HNRNPL: variants seen among roughly 807,000 people sequenced by gnomAD.
HNRNPL encodes the protein heterogeneous nuclear ribonucleoprotein L.
HNRNPL carries 12 observed loss-of-function variants against 64.0 expected under a neutral mutation model. The ratio of observed to expected loss-of-function variants is 0.19; its 90% CI spans 0.12 to 0.30. HNRNPL has a LOEUF of 0.30. HNRNPL is among the 10% of genes least tolerant of loss of function. HNRNPL has a pLI of 1.00. For synonymous variants in HNRNPL, 385 were observed against 313.0 expected (o/e 1.23, Z -2.43); for missense variants, 484 against 797.4 (o/e 0.61, Z 4.73).
At chr19:38,837,686 A>C in intron 10 of HNRNPL, 35 bp from the exon 11 acceptor site, 2 of 1,595,074 alleles carry the variant, frequency 1.3e-6, no homozygotes, top group South Asian at 2.2e-5. Flanking sequence ...TGAACTCTGA[A>C]ACAAAAGGGC....
intron 4 of HNRNPL, chr19:38,844,888 T>TATTA (rs1972238173): frequency 1.3e-5 from 2 of 152,118 alleles, no homozygotes; most frequent in Admixed American, 1.3e-4. Context: ...TTTTTTGTAT[T>TATTA]ATTAGCGACA....
At chr19:38,845,539 A>G in intron 4 of HNRNPL, 111 bp downstream of exon 4, 1 of 839,574 alleles carries the variant, frequency 1.2e-6, no homozygotes. Flanking sequence ...CATCTGGCAC[A>G]TGGCAGCCAC....
chr19:38,849,875 G>A lies in HNRNPL; in HGVS notation c.92C>T (p.Ala31Val). ...GCCCGCCGCCGCCATCTTCACCATC[G>A]CTCCCGACCGCCTCCGCTGCTCGTC... is the stretch of plus-strand genomic sequence containing the variant. Reference protein sequence around the residue: ...QPDEQRRRSGAMVKMAAAGGG... With the variant: ...QPDEQRRRSGVMVKMAAAGGG... The change falls in exon 1 of 13, where the codon GCG (alanine) becomes GTG (valine). Residue 31 changes from alanine to valine, a missense_variant. Physicochemically the swap from Ala to Val is moderately conservative, Grantham distance 64. Around this residue, in one of 9 missense-constraint regions of HNRNPL, gnomAD observed 190 missense variants for 160.1 expected, o/e 1.19. Coordinates refer to ENST00000221419, the MANE Select transcript of HNRNPL (RefSeq NM_001533.3). 8.2e-7 allele frequency: 1 copy of A among 1,218,224 alleles called. No individual in the cohort carries two copies. The highest frequency in any genetic ancestry group is 1.2e-6 in the Non-Finnish European group (1 of 860,108). 75.5% of individuals were successfully genotyped at this position (1,218,224 alleles called of 1,614,324 possible).
At chr19:38,840,747 G>A in intron 6 of HNRNPL, 188 bp from the exon 7 acceptor site, 1 of 611,032 alleles carries the variant, frequency 1.6e-6, no homozygotes. Context: ...CAAAGCTGGT[G>A]CCCACTCTCC....
intron 9 of HNRNPL, 59 bp downstream of exon 9, chr19:38,838,835 C>T: frequency 1.2e-6 from 2 of 1,609,472 alleles, no homozygotes; most frequent in Non-Finnish European, 1.7e-6. Context: ...TGCTGGGCCC[C>T]ATTCCCCTCC....
upstream of HNRNPL, chr19:38,850,053 C>G (rs930454985): frequency 2.6e-6 from 3 of 1,139,730 alleles, no homozygotes; most frequent in Non-Finnish European, 2.3e-6. Context: ...GGGGGAGCCA[C>G]TGGTCCCGCC....
At chr19:38,837,329 C>G (rs769602768) in intron 12 of HNRNPL, 55 bp downstream of exon 12, 6 of 1,430,334 alleles carry the variant, frequency 4.2e-6, no homozygotes, top group Non-Finnish European at 5.9e-6. Flanking sequence ...TGGCCTGAAG[C>G]CAGCCAACCC....
chr19:38,836,598 T>A lies in HNRNPL; in HGVS notation c.*124A>T, dbSNP rs1425307271. 94 of 136,490 alleles carry A rather than the reference T, an allele frequency of 6.9e-4. No individual in the cohort carries two copies. The highest frequency in any genetic ancestry group is 2.1e-3 in the African/African-American group (36 of 17,030). The allele number at this position is 136,490 out of a possible 1,614,324, so 8.5% of individuals were successfully genotyped here. ...AGTAAGCCTCTACAAACCTAGCATT[T>A]AAAAAAAAAAAAAAAAAAAAAAAAA... is the stretch of plus-strand genomic sequence containing the variant. On this transcript the variant is annotated 3_prime_UTR_variant, in exon 13 of 13. Transcript: ENST00000221419.
rs763068820 is a variant in HNRNPL at position 38,845,948 on chromosome 19, G to T, written c.529C>A (p.Gln177Lys). The T allele has an allele frequency of 6.2e-7, 1 of 1,614,222 alleles. No homozygotes were observed. Among genetic ancestry groups the T allele is most frequent in the South Asian group, 1.1e-5 (1 of 91,086 alleles). Residue 177 changes from glutamine to lysine, a missense_variant, in exon 3 of 13, where the codon CAG becomes AAG. This residue lies in a region of HNRNPL where 60 missense variants were observed against 192.2 expected (regional missense o/e 0.31). Coordinates refer to ENST00000221419, the MANE Select transcript of HNRNPL (RefSeq NM_001533.3). ...GAGTCCCCAGGGCGGGAGATCTTCT[G>T]GCTGGTAGAGTAGTTGACAAAAGCT... ...HPAFVNYSTS[Q>K]KISRPGDSDD... is the part of the protein sequence containing the mutation.
intron 1 of HNRNPL, among the ~76,000 whole-genome samples, chr19:38,848,376 A>G (rs939165238): frequency 2.0e-5 from 3 of 152,204 alleles, no homozygotes; most frequent in Admixed American, 1.3e-4. Context: ...TATAGGCATG[A>G]GCCCCCACTC....
At chr19:38,847,001 G>A (rs745900515) in intron 2 of HNRNPL, among the ~76,000 whole-genome samples, 2 of 152,106 alleles carry the variant, frequency 1.3e-5, no homozygotes, top group Admixed American at 1.3e-4. Context: ...GGCCGAGGCA[G>A]AAGGACTGCC....
chr19:38,850,828 C>G (rs75208702), upstream of HNRNPL, among the ~76,000 whole-genome samples: 3,711 of 152,322 alleles, frequency 0.024, 50 homozygotes, highest in Non-Finnish European at 0.037. Context: ...CGACTGTCTT[C>G]GGACCCTGTC....
At chr19:38,849,508 CCGCGCA>C (rs1263528078) in intron 1 of HNRNPL, 186 bp downstream of exon 1, 1 of 764,092 alleles carries the variant, frequency 1.3e-6, no homozygotes, top group Non-Finnish European at 1.8e-6. Flanking sequence ...GCTCCGGACC[CCGCGCA>C]CGCGCAGGCG....
At position 38,838,411 on chromosome 19, in the gene HNRNPL, C is replaced by T; in HGVS notation, c.1543G>A (p.Glu515Lys). The T allele has an allele frequency of 1.2e-6, 2 of 1,611,264 alleles. No individual in the cohort carries two copies. Among genetic ancestry groups the T allele is most frequent in the Non-Finnish European group, 1.7e-6 (2 of 1,177,482 alleles). The change falls in exon 10 of 13, where the codon GAG becomes AAG. Residue 515 changes from glutamate to lysine, a missense_variant. Around this residue, in one of 9 missense-constraint regions of HNRNPL, gnomAD observed 69 missense variants for 91.8 expected, o/e 0.75. Transcript: ENST00000221419. The stretch of plus-strand genomic sequence containing the variant: ...ACGGCACACACCTCAAAGAAGTTCT[C>T]CTCGGTCACCTCCAGCGGGGCGTTG... Reference protein sequence around the residue: ...FFNAPLEVTEENFFEICDELG... With the variant: ...FFNAPLEVTEKNFFEICDELG...
rs1972275287 is a variant in HNRNPL, at chr19:38,845,837, G to A, written c.624+16C>T. The A allele has an allele frequency of 1.2e-6, 2 of 1,607,924 alleles. No individual in the cohort carries two copies. The highest frequency in any genetic ancestry group is 2.7e-5 in the African/African-American group (2 of 74,940). ...AAGGAAGGGAGACCTCACAAGAAAT[G>A]CCTGCTGGCACGTACCGTGGTGATC... is the stretch of plus-strand genomic sequence containing the variant. On this transcript the variant is annotated intron_variant, in intron 3 of 12. Coordinates refer to ENST00000221419, the MANE Select transcript of HNRNPL (RefSeq NM_001533.3).
chr19:38,851,741 G>C (rs1458893342), upstream of HNRNPL, among the ~76,000 whole-genome samples: 2 of 152,204 alleles, frequency 1.3e-5, no homozygotes, highest in African/African-American at 4.8e-5. Flanking sequence ...TCCAGCGTGG[G>C]CGACGGAGCG....
At chr19:38,852,012 G>A (rs973902024), upstream of HNRNPL, among the ~76,000 whole-genome samples, 22 of 151,664 alleles carry the variant, frequency 1.5e-4, no homozygotes, top group East Asian at 3.9e-4. Context: ...AACGTCAGAG[G>A]AATGCGGTGG....
chr19:38,838,196 A>G (rs1171232601), intron 10 of HNRNPL, among the ~76,000 whole-genome samples: 1 of 152,238 alleles, frequency 6.6e-6, no homozygotes, highest in Non-Finnish European at 1.5e-5. Context: ...GTGTTGCTAG[A>G]AACTTGGTGC....
In HNRNPL at chr19:38,849,880, C is replaced by G. The variant is rs1233232422; in HGVS notation, c.87G>C (p.Ser29=). ...RQQPDEQRRR[S]GAMVKMAAAG... ...CCGCCGCCATCTTCACCATCGCTCC[C>G]GACCGCCTCCGCTGCTCGTCCGGCT... Residue 29 remains serine, a synonymous_variant, in exon 1 of 13, where the codon TCG becomes TCC. Transcript: ENST00000221419. 2 of 1,234,318 alleles carry G rather than the reference C, an allele frequency of 1.6e-6. No homozygotes were observed. The highest frequency in any genetic ancestry group is 1.1e-6 in the Non-Finnish European group (1 of 873,850). The allele number at this position is 1,234,318 out of a possible 1,614,324, so 76.5% of individuals were successfully genotyped here.
Sources: gnomAD v4.1 joint callset for allele counts (sites outside exome capture counted in the v4.1 genomes callset) on GRCh38, gnomAD v4.1.1 for gene constraint, gnomAD v4.1.1 regional missense constraint, MANE v1.5 for transcripts, NCBI Gene and HGNC (gene_info 2026-07-23, HGNC 2026-07-21) for gene names.